The following NCKAP5 variants were observed in gnomAD, a reference collection of about 807,000 sequenced individuals.
NCKAP5 encodes nck-associated protein 5.
NCKAP5 carries 92 observed loss-of-function variants against 167.0 expected under a neutral mutation model. The observed-to-expected ratio is 0.55, with a 90% CI of 0.47 to 0.66. The LOEUF (loss-of-function observed/expected upper bound fraction) is 0.66, where lower values mean the gene tolerates loss of function less well. Among genes scored for constraint, NCKAP5 ranks in the 30% least tolerant of loss-of-function variants. NCKAP5 has a pLI of 0.00. For missense variants in NCKAP5, 2,378 were observed against 2,315.0 expected (o/e 1.03, Z -0.56); for synonymous variants, 891 against 877.4 (o/e 1.02, Z -0.27).
rs536806733 is a variant in NCKAP5 at position 132,828,045 on chromosome 2, AAG to A, written c.808-31318_808-31317del. 3.0e-3 allele frequency among the ~76,000 whole-genome samples: 453 copies of A among 152,256 alleles called. 2 individuals carry two copies. Among genetic ancestry groups the A allele is most frequent in the African/African-American group, 0.01 (433 of 41,542 alleles). The stretch of plus-strand genomic sequence containing the variant: ...TGTGATCTTGTTTATTCATCTGTAA[AAG>A]AGAGAGATTATTTCCTTATTGTATT... On this transcript the variant is annotated intron_variant, in intron 11 of 19. Transcript: ENST00000409261.
chr2:132,709,452 G>A (rs1386221028), intron 19 of NCKAP5, among the ~76,000 whole-genome samples: 2 of 151,746 alleles, frequency 1.3e-5, no homozygotes, highest in African/African-American at 2.4e-5. Flanking sequence ...AAACCACTAG[G>A]AAGTCTTAAA....
intron 6 of NCKAP5, among the ~76,000 whole-genome samples, chr2:133,026,435 A>G (rs1481340435): frequency 6.6e-6 from 1 of 151,838 alleles, no homozygotes; most frequent in East Asian, 1.9e-4. Context: ...CTCTCAGGAA[A>G]CTTCCCTGGC....
intron 7 of NCKAP5, among the ~76,000 whole-genome samples, chr2:132,964,145 T>C (rs1333870883): frequency 6.6e-6 from 1 of 152,234 alleles, no homozygotes; most frequent in Non-Finnish European, 1.5e-5. Context: ...GGTGGAGTCA[T>C]GTGGTTAATC....
At chr2:133,040,589 A>G (rs539209530) in intron 6 of NCKAP5, among the ~76,000 whole-genome samples, 1 of 152,210 alleles carries the variant, frequency 6.6e-6, no homozygotes, top group Non-Finnish European at 1.5e-5. Context: ...ATAGGTATAC[A>G]GTTATATTTT....
At chr2:133,319,410 G>T (rs1267902954) in intron 3 of NCKAP5, among the ~76,000 whole-genome samples, 1 of 152,078 alleles carries the variant, frequency 6.6e-6, no homozygotes, top group Non-Finnish European at 1.5e-5. Flanking sequence ...TTTTCAGGAC[G>T]AGAGAAGTAC....
chr2:133,669,439 G>A, the NCKAP5 span, among the ~76,000 whole-genome samples: 5 of 151,968 alleles, frequency 3.3e-5, no homozygotes, highest in Non-Finnish European at 7.4e-5. Flanking sequence ...CTAGAAATGG[G>A]GTTTAAGTGG....
intron 6 of NCKAP5, among the ~76,000 whole-genome samples, chr2:133,069,098 A>C (rs564430102): frequency 1.3e-5 from 2 of 152,318 alleles, no homozygotes; most frequent in Admixed American, 1.3e-4. Flanking sequence ...TGACTTGAGA[A>C]ACCAATATTA....
At chr2:133,621,427 A>G in the NCKAP5 span, among the ~76,000 whole-genome samples, 1 of 152,226 alleles carries the variant, frequency 6.6e-6, no homozygotes, top group East Asian at 1.9e-4. Flanking sequence ...TCAATTAGAA[A>G]TGAAATGAGA....
intron 16 of NCKAP5, among the ~76,000 whole-genome samples, chr2:132,749,837 T>C (rs1679961760): frequency 1.3e-5 from 2 of 152,318 alleles, no homozygotes; most frequent in South Asian, 4.1e-4. Flanking sequence ...GGCTGGCAGA[T>C]GACTGTGACT....
At chr2:133,028,914 ACCTT>A (rs2078785084) in intron 6 of NCKAP5, among the ~76,000 whole-genome samples, 1 of 151,950 alleles carries the variant, frequency 6.6e-6, no homozygotes, top group South Asian at 2.1e-4. Flanking sequence ...AGTGTGTGGC[ACCTT>A]CCCCTCGCTC....
chr2:132,933,062 C>A (rs1048659127), intron 8 of NCKAP5, among the ~76,000 whole-genome samples: 2 of 151,810 alleles, frequency 1.3e-5, no homozygotes, highest in Non-Finnish European at 2.9e-5. Context: ...GCAGCTGGGA[C>A]TACAGGCACC....
intron 3 of NCKAP5, among the ~76,000 whole-genome samples, chr2:133,391,858 C>T (rs1687432921): frequency 6.6e-6 from 1 of 152,206 alleles, no homozygotes; most frequent in African/African-American, 2.4e-5. Flanking sequence ...ACCTGGCACA[C>T]AATGCCATCC....
intron 19 of NCKAP5, among the ~76,000 whole-genome samples, chr2:132,699,735 G>A (rs1687701802): frequency 6.6e-6 from 1 of 152,136 alleles, no homozygotes; most frequent in African/African-American, 2.4e-5. Flanking sequence ...ATCATTGATG[G>A]ACATCTGGGT....
chr2:132,678,841 C>T (rs1355496217), intron 19 of NCKAP5, among the ~76,000 whole-genome samples: 1 of 152,124 alleles, frequency 6.6e-6, no homozygotes, highest in Non-Finnish European at 1.5e-5. Flanking sequence ...TTTTAAAAAC[C>T]AGCGTGCAAC....
chr2:133,312,140 GA>G (rs1249580808), intron 3 of NCKAP5, among the ~76,000 whole-genome samples: 1 of 152,160 alleles, frequency 6.6e-6, no homozygotes, highest in African/African-American at 2.4e-5. Flanking sequence ...TGCACAGAGT[GA>G]AAACATCTCT....
At chr2:132,723,821 A>T (rs1690185134) in intron 19 of NCKAP5, among the ~76,000 whole-genome samples, 1 of 152,074 alleles carries the variant, frequency 6.6e-6, no homozygotes, top group Admixed American at 6.5e-5. Flanking sequence ...CTCTTAGTTG[A>T]TCCTGCTTCT....
At chr2:133,413,585 T>C (rs1259848070) in intron 3 of NCKAP5, among the ~76,000 whole-genome samples, 2 of 149,648 alleles carry the variant, frequency 1.3e-5, no homozygotes, top group Non-Finnish European at 3.0e-5. Flanking sequence ...AAATCTACAA[T>C]GATCTCAAAA....
chr2:133,176,870 C>A (rs2150014409), intron 5 of NCKAP5, among the ~76,000 whole-genome samples: 1 of 152,270 alleles, frequency 6.6e-6, no homozygotes, highest in Non-Finnish European at 1.5e-5. Context: ...CACCCCACTT[C>A]CCCAACTTTA....
intron 2 of NCKAP5, among the ~76,000 whole-genome samples, chr2:133,546,312 G>A (rs1686671335): frequency 6.6e-6 from 1 of 152,172 alleles, no homozygotes; most frequent in Admixed American, 6.5e-5. Context: ...TTGCCCAAGA[G>A]ATTATGTATT....
Sources: allele counts gnomAD v4.1 joint callset (sites outside exome capture counted in the v4.1 genomes callset), GRCh38; gene constraint gnomAD v4.1.1; transcripts MANE v1.5; gene names NCBI Gene and HGNC (gene_info 2026-07-23, HGNC 2026-07-21).